MFHAS1: variants seen among roughly 807,000 people sequenced by gnomAD.
MFHAS1 encodes the protein multifunctional ROCO family signaling regulator 1.
A neutral mutation model predicts 70.4 loss-of-function variants in MFHAS1; 50 were observed. The observed-to-expected ratio is 0.71, with a 90% CI of 0.57 to 0.90. MFHAS1 has a LOEUF of 0.90. MFHAS1 is among the 40% of genes least tolerant of loss of function. The pLI is 0.00. For missense variants in MFHAS1, 1,795 were observed against 1,347.6 expected (o/e 1.33, Z -5.20); for synonymous variants, 952 against 620.0 (o/e 1.54, Z -7.96).
In MFHAS1 at chr8:8,890,962, T is replaced by G. The variant is rs760963280; in HGVS notation, c.2097A>C (p.Arg699=). Residue 699 remains arginine (R), a synonymous_variant, in exon 1 of 3, where the codon CGA becomes CGC. Transcript: ENST00000276282. ...GCAGGTAGGAGAGGGCACTCTGCAG[T>G]CGGTCCTCGGTCAGACCCGCCTGCA... ...LGLQAGLTED[R]LQSALSYLHE... is the part of the protein sequence containing the mutation. 1 of 1,613,830 alleles carries G rather than the reference T, an allele frequency of 6.2e-7. No individual in the cohort carries two copies. Among genetic ancestry groups the G allele is most frequent in the South Asian group, 1.1e-5 (1 of 91,078 alleles).
At chr8:8,855,913 T>C (rs1020577886) in intron 1 of MFHAS1, among the ~76,000 whole-genome samples, 6 of 152,190 alleles carry the variant, frequency 3.9e-5, no homozygotes, top group African/African-American at 1.4e-4. Context: ...TGAAGCAAGT[T>C]ACTGACAAGG....
intron 1 of MFHAS1, among the ~76,000 whole-genome samples, chr8:8,842,827 G>A (rs888422527): frequency 6.6e-6 from 1 of 152,168 alleles, no homozygotes; most frequent in Non-Finnish European, 1.5e-5. Context: ...CTTCCCACCT[G>A]ATGCTGCAGG....
chr8:8,865,501 T>C (rs972702926), intron 1 of MFHAS1, among the ~76,000 whole-genome samples: 1 of 152,070 alleles, frequency 6.6e-6, no homozygotes, highest in Non-Finnish European at 1.5e-5. Context: ...CGATGAAAGC[T>C]AAACACAACC....
chr8:8,891,623 G>T lies in MFHAS1; in HGVS notation c.1436C>A (p.Ala479Asp). The T allele has an allele frequency of 3.1e-6, 5 of 1,613,602 alleles. No individual in the cohort carries two copies. The highest frequency in any genetic ancestry group is 4.2e-6 in the Non-Finnish European group (5 of 1,180,030). ...RGLRFIVYDL[A>D]GDESYEVIQP... ...GATCACCTCATAACTTTCATCCCCA[G>T]CTAAGTCATACACGATGAACCGCAG... The change falls in exon 1 of 3, where the codon GCT (alanine) becomes GAT (aspartate). Residue 479 changes from alanine (A) to aspartate (D), a missense_variant. Transcript: ENST00000276282. The surrounding 1 kb of genome is among the most constrained non-coding windows in gnomAD (Gnocchi z 5.4).
intron 1 of MFHAS1, among the ~76,000 whole-genome samples, chr8:8,879,533 G>A (rs531341283): frequency 3.0e-4 from 46 of 152,252 alleles, no homozygotes; most frequent in Admixed American, 6.5e-4. Context: ...CTCAAAAGAA[G>A]GACTTGACCA....
intron 1 of MFHAS1, among the ~76,000 whole-genome samples, chr8:8,841,032 T>C (rs1032828564): frequency 1.3e-5 from 2 of 152,232 alleles, no homozygotes; most frequent in African/African-American, 4.8e-5. Flanking sequence ...AATGTCTTCA[T>C]TTAACCTTAA....
chr8:8,882,125 A>G (rs1370291605), intron 1 of MFHAS1, among the ~76,000 whole-genome samples: 1 of 152,188 alleles, frequency 6.6e-6, no homozygotes, highest in African/African-American at 2.4e-5. Flanking sequence ...TCACACCTGT[A>G]ATCCCAGCAC....
chr8:8,792,146 A>G (rs966685615), intron 2 of MFHAS1, among the ~76,000 whole-genome samples: 8 of 150,266 alleles, frequency 5.3e-5, no homozygotes, highest in Non-Finnish European at 1.5e-5. Flanking sequence ...GGATAACAGG[A>G]GAATCATTTG....
chr8:8,871,316 G>T (rs184293296), intron 1 of MFHAS1, among the ~76,000 whole-genome samples: 398 of 152,320 alleles, frequency 2.6e-3, no homozygotes, highest in African/African-American at 9.3e-3. Flanking sequence ...CTGGGAGGCC[G>T]AGGGGGCTGG....
chr8:8,850,382 G>A (rs2116870635), intron 1 of MFHAS1, among the ~76,000 whole-genome samples: 1 of 152,250 alleles, frequency 6.6e-6, no homozygotes, highest in South Asian at 2.1e-4. Context: ...TCCCATATTA[G>A]AGAGATAGAC....
intron 1 of MFHAS1, among the ~76,000 whole-genome samples, chr8:8,888,141 G>C (rs540915742): frequency 1.8e-4 from 28 of 152,282 alleles, no homozygotes; most frequent in Non-Finnish European, 3.1e-4. Flanking sequence ...AGTCTACCAA[G>C]TCATGGAGTG....
chr8:8,823,514 T>C (rs1477487936), intron 1 of MFHAS1, among the ~76,000 whole-genome samples: 1 of 152,166 alleles, frequency 6.6e-6, no homozygotes, highest in Non-Finnish European at 1.5e-5. Flanking sequence ...CTAGGGTCTC[T>C]TCGAGCTTTA....
At chr8:8,877,629 C>A (rs1809347762) in intron 1 of MFHAS1, among the ~76,000 whole-genome samples, 1 of 152,204 alleles carries the variant, frequency 6.6e-6, no homozygotes. Context: ...TGACCAGCAG[C>A]ACGCTTAGAC....
chr8:8,806,480 T>C (rs973473549), intron 1 of MFHAS1, among the ~76,000 whole-genome samples: 1 of 152,228 alleles, frequency 6.6e-6, no homozygotes, highest in African/African-American at 2.4e-5. Flanking sequence ...AGGGCTTTAT[T>C]TTTGGTTCTA....
chr8:8,796,688 C>CAAAAAAAAAAA (rs55756300), intron 2 of MFHAS1, among the ~76,000 whole-genome samples: 680 of 24,754 alleles, frequency 0.027, 247 homozygotes, highest in African/African-American at 0.11. Context: ...CGTCTCAAAA[C>CAAAAAAAAAAA]AAAAAAAAAA....
intron 1 of MFHAS1, among the ~76,000 whole-genome samples, chr8:8,846,327 G>T (rs1372495686): frequency 9.0e-6 from 1 of 110,500 alleles, no homozygotes; most frequent in Non-Finnish European, 1.8e-5. Context: ...GGAGAAGGAG[G>T]AGTAGGAGGG....
intron 1 of MFHAS1, among the ~76,000 whole-genome samples, chr8:8,859,538 G>C (rs767282862): frequency 1.3e-5 from 2 of 152,120 alleles, no homozygotes; most frequent in Non-Finnish European, 2.9e-5. Context: ...GCCTGAGACA[G>C]CAAGACCAAC....
chr8:8,858,255 A>G (rs1808520539), intron 1 of MFHAS1, among the ~76,000 whole-genome samples: 1 of 152,182 alleles, frequency 6.6e-6, no homozygotes, highest in East Asian at 1.9e-4. Flanking sequence ...TTTTATATGC[A>G]TTATTTTATT....
At chr8:8,841,630 G>A (rs546496431) in intron 1 of MFHAS1, among the ~76,000 whole-genome samples, 1 of 152,104 alleles carries the variant, frequency 6.6e-6, no homozygotes, top group African/African-American at 2.4e-5. Context: ...TTTCAAAAAT[G>A]GCAATGGTAA....
Sources: gnomAD v4.1 joint callset for allele counts (sites outside exome capture counted in the v4.1 genomes callset) on GRCh38, gnomAD v4.1.1 for gene constraint, Gnocchi (gnomAD v3.1) non-coding constraint, MANE v1.5 for transcripts, NCBI Gene and HGNC (gene_info 2026-07-23, HGNC 2026-07-21) for gene names.